TBCK: variants seen among roughly 807,000 people sequenced by gnomAD.
TBCK encodes TBC1 domain containing kinase, also known as TBC domain-containing protein kinase-like protein.
Under a neutral mutation model 113.4 loss-of-function variants are expected in TBCK, and 99 were observed. The ratio of observed to expected loss-of-function variants is 0.87; its 90% CI spans 0.74 to 1.03. The LOEUF is 1.03. Ranked by LOEUF, TBCK falls within the 50% of genes least tolerant of loss-of-function variation. TBCK has a pLI of 0.00. For synonymous variants in TBCK, 369 were observed against 370.8 expected (o/e 1.00, Z 0.05); for missense variants, 1,045 against 1,061.3 (o/e 0.98, Z 0.21).
chr4:106,313,597 G>A (rs1330215680), intron 1 of TBCK, among the ~76,000 whole-genome samples: 3 of 152,048 alleles, frequency 2.0e-5, no homozygotes, highest in African/African-American at 4.8e-5. Flanking sequence ...AGAAGATGAG[G>A]GGCTAAGAAA....
At chr4:106,238,390 A>C (rs1759709007) in intron 12 of TBCK, among the ~76,000 whole-genome samples, 1 of 152,100 alleles carries the variant, frequency 6.6e-6, no homozygotes, top group Admixed American at 6.6e-5. Context: ...AAGCTTTAAA[A>C]CATAAGGAAA....
intron 5 of TBCK, among the ~76,000 whole-genome samples, chr4:106,253,248 G>A (rs1487386215): frequency 6.6e-6 from 1 of 152,152 alleles, no homozygotes; most frequent in Non-Finnish European, 1.5e-5. Context: ...TAGGATGACT[G>A]TATTCTTTTG....
intron 3 of TBCK, among the ~76,000 whole-genome samples, chr4:106,278,204 T>G (rs1446388956): frequency 1.3e-5 from 2 of 152,000 alleles, no homozygotes; most frequent in Non-Finnish European, 2.9e-5. Context: ...AGTACAAAAC[T>G]AAATGAAGTT....
intron 25 of TBCK, among the ~76,000 whole-genome samples, chr4:106,064,305 A>C (rs1354543637): frequency 6.6e-6 from 1 of 151,930 alleles, no homozygotes; most frequent in Non-Finnish European, 1.5e-5. Context: ...TCAGTTACTC[A>C]CACTGTTTAG....
At chr4:106,235,176 A>G (rs1759305440) in intron 15 of TBCK, 93 bp downstream of exon 15, 4 of 758,438 alleles carry the variant, frequency 5.3e-6, no homozygotes, top group Non-Finnish European at 7.7e-6. Flanking sequence ...TAATTTTCTA[A>G]TAACTAGAAA....
At chr4:106,055,551 TACACACACACAC>T (rs3056715) in intron 25 of TBCK, among the ~76,000 whole-genome samples, 1 of 149,222 alleles carries the variant, frequency 6.7e-6, no homozygotes, top group African/African-American at 2.5e-5. Context: ...AGTTCAATTA[TACACACACACAC>T]ACACACACAC....
At chr4:106,077,984 T>C in intron 25 of TBCK, among the ~76,000 whole-genome samples, 1 of 152,132 alleles carries the variant, frequency 6.6e-6, no homozygotes, top group South Asian at 2.1e-4. Context: ...AAAACAGCAA[T>C]CAATACTAAG....
chr4:106,165,808 A>T (rs1750302149), intron 23 of TBCK, among the ~76,000 whole-genome samples: 1 of 151,690 alleles, frequency 6.6e-6, no homozygotes. Context: ...AGGTTATGTG[A>T]ATTATTCAAG....
intron 12 of TBCK, among the ~76,000 whole-genome samples, chr4:106,239,649 C>T (rs530918804): frequency 6.6e-6 from 1 of 151,984 alleles, no homozygotes; most frequent in South Asian, 2.1e-4. Flanking sequence ...AGTTTAAAGG[C>T]CTTAAAACAT....
At chr4:106,247,000 A>C (rs1469474822) in intron 10 of TBCK, 139 bp downstream of exon 10, 18 of 869,980 alleles carry the variant, frequency 2.1e-5, no homozygotes, top group Non-Finnish European at 1.0e-5. Context: ...GTTATATTTT[A>C]ATCACTTCCA....
At chr4:106,203,831 C>T (rs1189798452) in intron 20 of TBCK, among the ~76,000 whole-genome samples, 1 of 151,990 alleles carries the variant, frequency 6.6e-6, no homozygotes, top group Non-Finnish European at 1.5e-5. Context: ...GACTATAAAA[C>T]ATGTTATGTA....
At chr4:106,208,985 G>T (rs1315572575) in intron 20 of TBCK, among the ~76,000 whole-genome samples, 1 of 152,170 alleles carries the variant, frequency 6.6e-6, no homozygotes, top group Non-Finnish European at 1.5e-5. Flanking sequence ...CAGAGCTCAA[G>T]CCAAGCACAG....
intron 5 of TBCK, among the ~76,000 whole-genome samples, chr4:106,259,806 C>T (rs1162179477): frequency 5.3e-5 from 8 of 151,844 alleles, no homozygotes; most frequent in African/African-American, 1.9e-4. Flanking sequence ...CTAAAAGCAA[C>T]CACACAAATA....
Position 106,244,762 on chromosome 4 carries a change from T to C in TBCK, c.934A>G (p.Ile312Val), listed in dbSNP as rs145095585. 1.0e-5 allele frequency: 16 copies of C among 1,571,034 alleles called. No individual in the cohort carries two copies. In the African/African-American group the frequency reaches 1.2e-4, roughly 12 times the overall value. The change falls in exon 11 of 26, where the codon ATA becomes GTA. Residue 312 changes from isoleucine (I) to valine (V), a missense_variant and splice_region_variant. Physicochemically the swap from Ile to Val is conservative, Grantham distance 29 (BLOSUM62 3). Coordinates refer to ENST00000394708, the MANE Select transcript of TBCK (RefSeq NM_001163435.3). ...PEDISQLCKD[I>V]NNDYLAERSI... The stretch of plus-strand genomic sequence containing the variant: ...CTTTCTGCCAGGTAATCATTATTTA[T>C]ATCTATTAAAAGCAAATTTAAGGAA...
At chr4:106,316,399 G>T (rs1218612206), upstream of TBCK, 2 of 729,364 alleles carry the variant, frequency 2.7e-6, no homozygotes, top group African/African-American at 3.5e-5. Context: ...AATGGAAGAC[G>T]AGGAGCGTGG....
At chr4:106,051,421 G>A (rs1001111068) in intron 25 of TBCK, among the ~76,000 whole-genome samples, 2 of 151,842 alleles carry the variant, frequency 1.3e-5, no homozygotes, top group Non-Finnish European at 2.9e-5. Context: ...ATTTTATCTG[G>A]CCATTCCTTT....
At chr4:106,181,776 T>C (rs1393864791) in intron 22 of TBCK, among the ~76,000 whole-genome samples, 1 of 152,180 alleles carries the variant, frequency 6.6e-6, no homozygotes, top group Admixed American at 6.5e-5. Flanking sequence ...TATAGCCTTG[T>C]AGCAGAGTTT....
chr4:106,292,806 T>C (rs1034244981), intron 3 of TBCK, among the ~76,000 whole-genome samples: 8 of 152,198 alleles, frequency 5.3e-5, no homozygotes, highest in African/African-American at 1.9e-4. Context: ...GCTTGCTTCC[T>C]TATGTGACAT....
chr4:106,224,684 T>C (rs994799830), intron 19 of TBCK, among the ~76,000 whole-genome samples: 2 of 152,202 alleles, frequency 1.3e-5, no homozygotes, highest in Non-Finnish European at 2.9e-5. Flanking sequence ...GTGTACTGTT[T>C]CAGCTCCTTC....
Sources: allele counts gnomAD v4.1 joint callset (sites outside exome capture counted in the v4.1 genomes callset), GRCh38; gene constraint gnomAD v4.1.1; transcripts MANE v1.5; gene names NCBI Gene and HGNC (gene_info 2026-07-23, HGNC 2026-07-21).